GRIK2: variants seen among roughly 807,000 people sequenced by gnomAD.
GRIK2 encodes glutamate receptor ionotropic, kainate 2.
A neutral mutation model predicts 100.3 loss-of-function variants in GRIK2; 32 were observed. The observed-to-expected ratio is 0.32, with a 90% CI of 0.24 to 0.43. The LOEUF (loss-of-function observed/expected upper bound fraction) is 0.43, where lower values mean the gene tolerates loss of function less well. Among genes scored for constraint, GRIK2 ranks in the 20% least tolerant of loss-of-function variants. The pLI is 1.00. For synonymous variants in GRIK2, 417 were observed against 389.4 expected (o/e 1.07, Z -0.83); for missense variants, 843 against 1,114.9 (o/e 0.76, Z 3.47).
chr6:101,967,287 T>C (rs923329505), intron 14 of GRIK2, among the ~76,000 whole-genome samples: 10 of 152,082 alleles, frequency 6.6e-5, no homozygotes, highest in African/African-American at 9.7e-5. Context: ...GTCATATAAC[T>C]GTTTTTCTTC....
intron 4 of GRIK2, among the ~76,000 whole-genome samples, chr6:101,668,600 A>C (rs1770204560): frequency 6.6e-6 from 1 of 152,148 alleles, no homozygotes; most frequent in East Asian, 1.9e-4. Context: ...GAAACATGGA[A>C]TATAGATGAA....
At chr6:101,666,426 T>A (rs1582922395) in intron 4 of GRIK2, among the ~76,000 whole-genome samples, 1 of 152,222 alleles carries the variant, frequency 6.6e-6, no homozygotes, top group African/African-American at 2.4e-5. Context: ...GCCACCCACT[T>A]GGCTGACCTG....
intron 2 of GRIK2, among the ~76,000 whole-genome samples, chr6:101,605,234 T>C (rs1350198878): frequency 6.6e-6 from 1 of 151,978 alleles, no homozygotes; most frequent in East Asian, 1.9e-4. Context: ...TTAAACAAGT[T>C]ACTTAATTTC....
intron 2 of GRIK2, among the ~76,000 whole-genome samples, chr6:101,475,564 TG>T (rs111629184): frequency 6.6e-6 from 1 of 152,048 alleles, no homozygotes; most frequent in Non-Finnish European, 1.5e-5. Context: ...AACTTGTTTC[TG>T]TTTTTTTGTG....
intron 2 of GRIK2, 133 bp from the exon 3 acceptor site, chr6:101,621,816 C>G: frequency 1.5e-6 from 1 of 655,006 alleles, no homozygotes; most frequent in Non-Finnish European, 2.7e-6. Flanking sequence ...CTCTCTTTCT[C>G]TCTCTCACAC....
chr6:101,666,776 G>A (rs1342291906), intron 4 of GRIK2, among the ~76,000 whole-genome samples: 6 of 152,182 alleles, frequency 3.9e-5, no homozygotes. Context: ...CACTTAGATG[G>A]TTTTAATGAA....
chr6:101,978,586 G>T (rs1049516277), intron 14 of GRIK2, among the ~76,000 whole-genome samples: 3 of 151,858 alleles, frequency 2.0e-5, no homozygotes, highest in Admixed American at 6.6e-5. Context: ...CAATCTGGCA[G>T]TTTCTGACAG....
At chr6:101,536,097 C>T (rs1270380424) in intron 2 of GRIK2, among the ~76,000 whole-genome samples, 1 of 151,472 alleles carries the variant, frequency 6.6e-6, no homozygotes, top group East Asian at 1.9e-4. Context: ...ATTCAATTTC[C>T]CATTTGTTTC....
intron 7 of GRIK2, among the ~76,000 whole-genome samples, chr6:101,767,398 T>C (rs113178093): frequency 0.029 from 4,417 of 152,128 alleles, 228 homozygotes; most frequent in African/African-American, 0.1. Context: ...ATGATCTCTC[T>C]TTCTTTCTTT....
At chr6:101,662,634 T>A (rs1769711301) in intron 4 of GRIK2, among the ~76,000 whole-genome samples, 1 of 151,980 alleles carries the variant, frequency 6.6e-6, no homozygotes, top group Admixed American at 6.6e-5. Flanking sequence ...CTTTTTATGT[T>A]CTCATACCAT....
At chr6:102,066,864 G>A (rs1772042746) in intron 16 of GRIK2, among the ~76,000 whole-genome samples, 1 of 151,702 alleles carries the variant, frequency 6.6e-6, no homozygotes, top group Non-Finnish European at 1.5e-5. Context: ...CGTAGAATTA[G>A]GAAGACCATT....
chr6:102,023,642 A>G (rs1357440328), intron 14 of GRIK2, among the ~76,000 whole-genome samples: 1 of 151,564 alleles, frequency 6.6e-6, no homozygotes, highest in African/African-American at 2.4e-5. Flanking sequence ...TTGACGTTGT[A>G]GAGAATAAGT....
chr6:101,672,159 T>G (rs1770490370), intron 4 of GRIK2, among the ~76,000 whole-genome samples: 2 of 152,150 alleles, frequency 1.3e-5, no homozygotes, highest in Non-Finnish European at 2.9e-5. Flanking sequence ...TCCCTCCCAC[T>G]GATGACACAA....
At chr6:101,812,440 T>A (rs1009652629) in intron 9 of GRIK2, among the ~76,000 whole-genome samples, 1 of 151,882 alleles carries the variant, frequency 6.6e-6, no homozygotes, top group African/African-American at 2.4e-5. Context: ...TTCAAAGCAA[T>A]ACATAAGTGG....
intron 2 of GRIK2, among the ~76,000 whole-genome samples, chr6:101,458,432 C>T (rs1771122883): frequency 6.6e-6 from 1 of 152,188 alleles, no homozygotes; most frequent in Non-Finnish European, 1.5e-5. Flanking sequence ...ATCAGATTCC[C>T]ATGGCCTGCT....
chr6:101,531,910 A>C lies in GRIK2; in HGVS notation c.116-90039A>C, dbSNP rs1179428050. Among the ~76,000 whole-genome samples, 3 of 152,072 alleles carry C rather than the reference A, an allele frequency of 2.0e-5. No individual in the cohort carries two copies. The East Asian group carries it at 5.8e-4, about 30-fold the overall frequency. On this transcript the variant is annotated intron_variant, in intron 2 of 16. Transcript: ENST00000369134. ...CTGCTACTCGTTGATTCCAGGTCTCATAATTGCTCTTGGAACATTGCAATA... is the reference window on the plus strand; with the variant it reads ...CTGCTACTCGTTGATTCCAGGTCTCCTAATTGCTCTTGGAACATTGCAATA...
chr6:101,946,473 G>A (rs567074585), intron 14 of GRIK2, among the ~76,000 whole-genome samples: 2 of 151,948 alleles, frequency 1.3e-5, no homozygotes, highest in African/African-American at 2.4e-5. Flanking sequence ...TAAGGTTGCA[G>A]TGAGTCGTAT....
chr6:101,417,751 G>T (rs9498582), intron 2 of GRIK2, among the ~76,000 whole-genome samples: 3 of 152,324 alleles, frequency 2.0e-5, no homozygotes, highest in African/African-American at 7.2e-5. Flanking sequence ...AGTAGGATCT[G>T]ATCTAGAAAA....
chr6:101,674,904 CATA>C (rs1770713204), intron 4 of GRIK2, among the ~76,000 whole-genome samples: 1 of 152,018 alleles, frequency 6.6e-6, no homozygotes, highest in African/African-American at 2.4e-5. Context: ...TTAATTGATA[CATA>C]ATAATTTTGC....
Sources: allele counts gnomAD v4.1 joint callset (sites outside exome capture counted in the v4.1 genomes callset), GRCh38; gene constraint gnomAD v4.1.1; transcripts MANE v1.5; gene names NCBI Gene and HGNC (gene_info 2026-07-23, HGNC 2026-07-21).